The following COL25A1 variants were observed in gnomAD, a reference collection of about 807,000 sequenced individuals.
The protein encoded by COL25A1 is collagen type XXV alpha 1 chain.
Under a neutral mutation model 128.4 loss-of-function variants are expected in COL25A1, and 103 were observed. That is an observed-to-expected ratio of 0.80 (90% CI 0.68 to 0.94). The LOEUF is 0.94. COL25A1 is among the 40% of genes least tolerant of loss of function. COL25A1 has a pLI of 0.00. For synonymous variants in COL25A1, 279 were observed against 277.2 expected (o/e 1.01, Z -0.06); for missense variants, 745 against 840.0 (o/e 0.89, Z 1.40).
chr4:109,207,559 A>C (rs1375188094), intron 3 of COL25A1, among the ~76,000 whole-genome samples: 1 of 152,318 alleles, frequency 6.6e-6, no homozygotes, highest in African/African-American at 2.4e-5. Flanking sequence ...CTAATTTTCT[A>C]GTGCATGGTT....
chr4:109,053,769 A>G (rs960989284), intron 3 of COL25A1, among the ~76,000 whole-genome samples: 1 of 152,228 alleles, frequency 6.6e-6, no homozygotes, highest in African/African-American at 2.4e-5. Context: ...CAATAAACAC[A>G]CAGGAAGCAT....
rs1250927312 is a variant in COL25A1, at chr4:109,050,882, GT to G, written c.368-704del. Among the ~76,000 whole-genome samples, 448 of 137,392 alleles carry G rather than the reference GT, an allele frequency of 3.3e-3. 1 individual carries two copies. Among genetic ancestry groups the G allele is most frequent in the Non-Finnish European group, 4.8e-3 (302 of 62,652 alleles). The allele number at this position is 137,392 out of a possible 152,430, so 90.1% of individuals were successfully genotyped here. A position where few individuals can be genotyped will look rare whatever the true frequency, so the allele number is the denominator to read the frequency against. Reference sequence around the variant, plus strand: ...ATTTTAAAAGCAGAGAAAAAAACTTGTTTTTTTTTTTTTGGTAAGTTACCGG... The same window carrying G: ...ATTTTAAAAGCAGAGAAAAAAACTTGTTTTTTTTTTTTGGTAAGTTACCGG... On this transcript the variant is annotated intron_variant, in intron 3 of 37. Transcript: ENST00000399132.
At chr4:109,190,422 G>A (rs1462356254) in intron 3 of COL25A1, among the ~76,000 whole-genome samples, 1 of 152,014 alleles carries the variant, frequency 6.6e-6, no homozygotes, top group African/African-American at 2.4e-5. Context: ...AGAAGGGAGG[G>A]AAGGAGAGGG....
chr4:109,275,601 T>C (rs1722753966), intron 3 of COL25A1, among the ~76,000 whole-genome samples: 3 of 152,190 alleles, frequency 2.0e-5, no homozygotes, highest in Admixed American at 1.3e-4. Context: ...AGGGCTTCTG[T>C]CTTCACTTGG....
intron 3 of COL25A1, among the ~76,000 whole-genome samples, chr4:109,101,667 T>G (rs1765905120): frequency 6.6e-6 from 1 of 152,208 alleles, no homozygotes; most frequent in Admixed American, 6.5e-5. Context: ...CTTGAACTCA[T>G]CTATTGCTTT....
At chr4:108,842,805 A>G (rs1293780211) in intron 30 of COL25A1, among the ~76,000 whole-genome samples, 1 of 152,144 alleles carries the variant, frequency 6.6e-6, no homozygotes, top group African/African-American at 2.4e-5. Context: ...TAAAAAGCCA[A>G]AAGTATGCCA....
chr4:109,043,214 T>C (rs1171050235), intron 5 of COL25A1, among the ~76,000 whole-genome samples: 1 of 152,118 alleles, frequency 6.6e-6, no homozygotes, highest in Non-Finnish European at 1.5e-5. Context: ...CTATAAATTG[T>C]AGTTATTAGT....
At chr4:109,273,593 T>C (rs946232804) in intron 3 of COL25A1, among the ~76,000 whole-genome samples, 1 of 152,178 alleles carries the variant, frequency 6.6e-6, no homozygotes. Flanking sequence ...ATTAGTTGGT[T>C]GAAAGCAATT....
chr4:108,889,223 T>G lies in COL25A1; in HGVS notation c.973A>C (p.Lys325Gln), dbSNP rs778568587. 8 of 1,613,382 alleles carry G rather than the reference T, an allele frequency of 5.0e-6. No homozygotes were observed. The highest frequency in any genetic ancestry group is 6.8e-6 in the Non-Finnish European group (8 of 1,179,414). The part of the protein sequence containing the change: ...EPGESGRPGQ[K>Q]GEPGLPGLPG... The stretch of plus-strand genomic sequence containing the variant: ...CACACTAGAGATAGAGATATTACCT[T>G]TTGCCCTGGACGACCAGATTCCCCA... Residue 325 changes from lysine (K) to glutamine (Q), a missense_variant and splice_region_variant, in exon 18 of 38, where the codon AAG becomes CAG. By Grantham distance (53) the Lys-to-Gln change is moderately conservative (BLOSUM62 1). Coordinates refer to ENST00000399132, the MANE Select transcript of COL25A1 (RefSeq NM_198721.4).
chr4:109,275,534 T>C (rs1259005363), intron 3 of COL25A1, among the ~76,000 whole-genome samples: 1 of 152,176 alleles, frequency 6.6e-6, no homozygotes, highest in East Asian at 1.9e-4. Context: ...GAACAGTGAA[T>C]GTAGTCAACT....
chr4:109,167,522 C>A (rs1310173010), intron 3 of COL25A1, among the ~76,000 whole-genome samples: 1 of 152,110 alleles, frequency 6.6e-6, no homozygotes, highest in Non-Finnish European at 1.5e-5. Flanking sequence ...TATGACATTT[C>A]TCTCATTTTA....
intron 19 of COL25A1, among the ~76,000 whole-genome samples, chr4:108,876,557 A>G (rs950409430): frequency 1.3e-5 from 2 of 152,224 alleles, no homozygotes; most frequent in African/African-American, 4.8e-5. Context: ...AAATCAGTAC[A>G]GAACTATGAT....
At chr4:108,950,592 T>A (rs1220167586) in intron 8 of COL25A1, among the ~76,000 whole-genome samples, 1 of 152,152 alleles carries the variant, frequency 6.6e-6, no homozygotes, top group Non-Finnish European at 1.5e-5. Context: ...GAATCAACAC[T>A]TGGTATACAG....
intron 3 of COL25A1, among the ~76,000 whole-genome samples, chr4:109,135,608 A>G (rs1367848807): frequency 6.6e-6 from 1 of 151,804 alleles, no homozygotes; most frequent in Non-Finnish European, 1.5e-5. Flanking sequence ...CAAAATGGGG[A>G]CTGGTTCCTC....
chr4:108,825,323 C>T, intron 33 of COL25A1, 101 bp from the exon 34 acceptor site: 2 of 853,518 alleles, frequency 2.3e-6, no homozygotes, highest in Non-Finnish European at 4.0e-6. Flanking sequence ...AGTACTAGAA[C>T]AACTACTTCA....
intron 3 of COL25A1, among the ~76,000 whole-genome samples, chr4:109,256,793 G>A (rs943473360): frequency 1.3e-5 from 2 of 152,114 alleles, no homozygotes; most frequent in Admixed American, 1.3e-4. Context: ...CAAGGTGGTT[G>A]TTCTAGATCA....
chr4:109,004,430 A>G (rs2126035058), intron 6 of COL25A1, among the ~76,000 whole-genome samples: 1 of 151,196 alleles, frequency 6.6e-6, no homozygotes, highest in Non-Finnish European at 1.5e-5. Context: ...TCTAAGGAGG[A>G]GTTTTGCACT....
At chr4:109,078,395 G>A (rs3113690) in intron 3 of COL25A1, among the ~76,000 whole-genome samples, 15,199 of 151,994 alleles carry the variant, frequency 0.1, 1,057 homozygotes, top group East Asian at 0.29. Context: ...ATCATAAATC[G>A]CCAGATACTC....
chr4:109,039,106 CCTG>C (rs917269818), intron 5 of COL25A1, among the ~76,000 whole-genome samples: 1 of 152,134 alleles, frequency 6.6e-6, no homozygotes, highest in African/African-American at 2.4e-5. Context: ...CTACATCTCC[CCTG>C]CTACCATTCT....
Sources: gnomAD v4.1 joint callset for allele counts (sites outside exome capture counted in the v4.1 genomes callset) on GRCh38, gnomAD v4.1.1 for gene constraint, MANE v1.5 for transcripts, NCBI Gene and HGNC (gene_info 2026-07-23, HGNC 2026-07-21) for gene names.